Variants in SUPT3H observed in about 807,000 individuals in gnomAD.
SUPT3H encodes the protein SPT3 homolog, SAGA and STAGA complex component.
In SUPT3H, 44 loss-of-function variants were observed where a neutral mutation model predicts 44.3. That is an observed-to-expected ratio of 0.99 (90% CI 0.78 to 1.28). The LOEUF is 1.28. SUPT3H is among the 50% of genes most tolerant of loss of function. SUPT3H has a pLI of 0.00. For synonymous variants in SUPT3H, 124 were observed against 125.6 expected (o/e 0.99, Z 0.09); for missense variants, 380 against 387.1 (o/e 0.98, Z 0.15).
At chr6:45,285,482 T>A (rs1341733310) in intron 2 of SUPT3H, among the ~76,000 whole-genome samples, 2 of 152,128 alleles carry the variant, frequency 1.3e-5, no homozygotes, top group South Asian at 2.1e-4. Context: ...GTGAGTGAAC[T>A]CCCATTCACA....
chr6:45,081,066 C>CAT (rs200514896), intron 3 of SUPT3H, among the ~76,000 whole-genome samples: 36 of 150,088 alleles, frequency 2.4e-4, no homozygotes, highest in Admixed American at 1.4e-3. Flanking sequence ...TATATATGTA[C>CAT]ATATATATAT....
chr6:44,968,404 C>A (rs983702475), intron 6 of SUPT3H, among the ~76,000 whole-genome samples: 11 of 152,098 alleles, frequency 7.2e-5, no homozygotes, highest in Non-Finnish European at 2.9e-5. Context: ...GAAACCATAT[C>A]TCTAACTCAC....
intron 2 of SUPT3H, among the ~76,000 whole-genome samples, chr6:45,217,203 A>G (rs1765201801): frequency 4.6e-5 from 7 of 150,776 alleles, no homozygotes; most frequent in Admixed American, 4.6e-4. Flanking sequence ...ATGGCCAGGC[A>G]TGGTGGCTCA....
intron 2 of SUPT3H, among the ~76,000 whole-genome samples, chr6:45,199,047 T>C (rs1160711068): frequency 6.6e-6 from 1 of 151,348 alleles, no homozygotes; most frequent in Non-Finnish European, 1.5e-5. Flanking sequence ...CTTTTACTAG[T>C]GCTTATAAGG....
At chr6:45,244,288 ACG>A (rs1206405752) in intron 2 of SUPT3H, among the ~76,000 whole-genome samples, 1 of 152,208 alleles carries the variant, frequency 6.6e-6, no homozygotes, top group Non-Finnish European at 1.5e-5. Context: ...AAGCCTAGAT[ACG>A]CTCCCACAGT....
intron 4 of SUPT3H, 39 bp downstream of exon 4, chr6:45,020,507 A>G (rs923689619): frequency 1.3e-6 from 2 of 1,514,466 alleles, no homozygotes; most frequent in Non-Finnish European, 1.8e-6. Context: ...CAATTAAACA[A>G]AACGTGGATT....
chr6:45,090,347 T>C (rs551175799), intron 3 of SUPT3H, among the ~76,000 whole-genome samples: 3 of 152,196 alleles, frequency 2.0e-5, no homozygotes, highest in Admixed American at 1.3e-4. Context: ...AATACTGACA[T>C]AGATAAATAA....
At chr6:45,020,127 C>G (rs560528581) in intron 4 of SUPT3H, among the ~76,000 whole-genome samples, 1 of 151,968 alleles carries the variant, frequency 6.6e-6, no homozygotes, top group South Asian at 2.1e-4. Flanking sequence ...GAGCTACAGA[C>G]TAAACTTTGT....
At chr6:45,007,737 C>G (rs928811483) in intron 5 of SUPT3H, among the ~76,000 whole-genome samples, 3 of 142,572 alleles carry the variant, frequency 2.1e-5, no homozygotes, top group Non-Finnish European at 4.6e-5. Flanking sequence ...TTCCCCCCCA[C>G]TTTTTTTTTT....
intron 10 of SUPT3H, among the ~76,000 whole-genome samples, chr6:44,904,895 A>G (rs1328498695): frequency 6.6e-6 from 1 of 152,228 alleles, no homozygotes; most frequent in Non-Finnish European, 1.5e-5. Flanking sequence ...ACTTTGACAA[A>G]CCTGACAAAA....
At chr6:45,350,647 A>G (rs1300324726) in intron 2 of SUPT3H, among the ~76,000 whole-genome samples, 1 of 152,180 alleles carries the variant, frequency 6.6e-6, no homozygotes, top group Non-Finnish European at 1.5e-5. Flanking sequence ...TCTAAAAATA[A>G]TTTCTGGCTG....
At chr6:44,903,024 C>T (rs1252697843) in intron 10 of SUPT3H, among the ~76,000 whole-genome samples, 2 of 151,930 alleles carry the variant, frequency 1.3e-5, no homozygotes, top group African/African-American at 2.4e-5. Context: ...GGGACACATT[C>T]AAAGCAGTGT....
chr6:45,317,227 CAAAAAAAAA>C (rs70996324), intron 2 of SUPT3H, among the ~76,000 whole-genome samples: 2 of 36,084 alleles, frequency 5.5e-5, no homozygotes, highest in Non-Finnish European at 9.6e-5. Flanking sequence ...GACTCTGTCT[CAAAAAAAAA>C]AAAAAAAAAA....
intron 6 of SUPT3H, among the ~76,000 whole-genome samples, chr6:44,977,794 CAT>C (rs1778544094): frequency 6.6e-6 from 1 of 152,156 alleles, no homozygotes; most frequent in Non-Finnish European, 1.5e-5. Flanking sequence ...ATTACTACTA[CAT>C]GTTACAACTT....
intron 2 of SUPT3H, among the ~76,000 whole-genome samples, chr6:45,158,497 C>A (rs1005526768): frequency 6.6e-6 from 1 of 151,376 alleles, no homozygotes; most frequent in African/African-American, 2.4e-5. Context: ...TTCACAGCCA[C>A]GTTCTAAGTT....
At chr6:45,364,988 T>TA (rs1243724543) in intron 2 of SUPT3H, among the ~76,000 whole-genome samples, 1 of 152,196 alleles carries the variant, frequency 6.6e-6, no homozygotes, top group African/African-American at 2.4e-5. Context: ...GATGAACTAA[T>TA]ACTCATTTTT....
intron 6 of SUPT3H, among the ~76,000 whole-genome samples, chr6:44,975,137 CT>C (rs767277907): frequency 5.2e-4 from 79 of 151,174 alleles, no homozygotes; most frequent in Non-Finnish European, 1.0e-3. Context: ...GGCCACTGCA[CT>C]CCAGCCTGGG....
At chr6:45,357,702 A>G (rs1364037666) in intron 2 of SUPT3H, among the ~76,000 whole-genome samples, 3 of 152,204 alleles carry the variant, frequency 2.0e-5, no homozygotes, top group Admixed American at 1.3e-4. Flanking sequence ...CATAATAAAA[A>G]TAATGAATTG....
chr6:45,349,816 C>T (rs1483181630), intron 2 of SUPT3H, among the ~76,000 whole-genome samples: 2 of 152,206 alleles, frequency 1.3e-5, no homozygotes, highest in East Asian at 3.8e-4. Flanking sequence ...ACAATTCCAT[C>T]CACTGCATAA....
Sources: gnomAD v4.1 joint callset for allele counts (sites outside exome capture counted in the v4.1 genomes callset) on GRCh38, gnomAD v4.1.1 for gene constraint, MANE v1.5 for transcripts, NCBI Gene and HGNC (gene_info 2026-07-23, HGNC 2026-07-21) for gene names.